Variants in TAFA1 observed in about 807,000 individuals in gnomAD.
The protein encoded by TAFA1 is TAFA chemokine like family member 1, also known as chemokine-like protein TAFA-1.
A neutral mutation model predicts 18.5 loss-of-function variants in TAFA1; 4 were observed. That is an observed-to-expected ratio of 0.22 (90% CI 0.11 to 0.49). The LOEUF is 0.49. TAFA1 is among the 20% of genes least tolerant of loss of function. The pLI is 0.98. For synonymous variants in TAFA1, 56 were observed against 55.2 expected, an observed-to-expected ratio of 1.01 and a Z score of -0.06; for missense variants, 147 against 169.0, an observed-to-expected ratio of 0.87 and a Z score of 0.72.
rs373193324 is a variant in TAFA1, at chr3:68,106,312, A to G, written c.118+99568A>G. On this transcript the variant is annotated intron_variant, in intron 2 of 4. Coordinates refer to ENST00000478136, the MANE Select transcript of TAFA1 (RefSeq NM_213609.4). ...TGCTATCCAAGTGGAATACTGAACA[A>G]TGATGGAAGTGATCAGCGGCTGTTC... is the stretch of plus-strand genomic sequence containing the variant. Among the ~76,000 whole-genome samples the G allele has an allele frequency of 7.2e-5, 11 of 152,268 alleles. No homozygotes were observed. The East Asian group carries it at 2.1e-3, about 29-fold the overall frequency.
intron 2 of TAFA1, among the ~76,000 whole-genome samples, chr3:68,076,756 C>T (rs1207092534): frequency 4.0e-3 from 597 of 151,068 alleles, no homozygotes; most frequent in African/African-American, 0.013. Flanking sequence ...TGAATAATGC[C>T]GCAATAAACA....
rs2066427652 is a variant in TAFA1 at position 68,197,665 on chromosome 3, G to A, written c.118+190921G>A. 2.0e-5 allele frequency among the ~76,000 whole-genome samples: 3 copies of A among 151,126 alleles called. No individual in the cohort carries two copies. The South Asian group carries it at 6.2e-4, about 31-fold the overall frequency. On this transcript the variant is annotated intron_variant, in intron 2 of 4. Coordinates refer to ENST00000478136, the MANE Select transcript of TAFA1 (RefSeq NM_213609.4). ...TTCTCTCCTACAGAAATGTACAATC[G>A]AGCAAAGCATGAATATATCTTTGTC...
At chr3:68,328,080 T>C (rs1467645396) in intron 2 of TAFA1, among the ~76,000 whole-genome samples, 1 of 152,202 alleles carries the variant, frequency 6.6e-6, no homozygotes, top group Non-Finnish European at 1.5e-5. Flanking sequence ...GTGAATCTGT[T>C]GGTATAAAAA....
At chr3:68,379,512 T>A (rs1459499954) in intron 2 of TAFA1, among the ~76,000 whole-genome samples, 1 of 152,198 alleles carries the variant, frequency 6.6e-6, no homozygotes, top group Non-Finnish European at 1.5e-5. Context: ...ATCTCTTTTG[T>A]CAACTTTTGC....
At chr3:68,201,546 G>A (rs1390403133) in intron 2 of TAFA1, among the ~76,000 whole-genome samples, 2 of 151,672 alleles carry the variant, frequency 1.3e-5, no homozygotes, top group African/African-American at 4.8e-5. Flanking sequence ...TTTGCTTAAT[G>A]TATTTTGATG....
At chr3:67,993,988 G>A in the TAFA1 span, among the ~76,000 whole-genome samples, 4 of 152,234 alleles carry the variant, frequency 2.6e-5, no homozygotes, top group East Asian at 1.9e-4. Context: ...GCCTAGCCGG[G>A]TAGAATTTTT....
chr3:68,218,345 T>C (rs1323050091), intron 2 of TAFA1, among the ~76,000 whole-genome samples: 2 of 152,158 alleles, frequency 1.3e-5, no homozygotes, highest in African/African-American at 2.4e-5. Flanking sequence ...AAGGATCAAA[T>C]GTAATTTCTT....
At chr3:68,046,075 C>A (rs143327510) in intron 2 of TAFA1, among the ~76,000 whole-genome samples, 208 of 152,212 alleles carry the variant, frequency 1.4e-3, no homozygotes, top group Middle Eastern at 0.014. Context: ...CTTCATTTTT[C>A]TCTTATCTCC....
At chr3:68,378,670 C>T (rs902120823) in intron 2 of TAFA1, among the ~76,000 whole-genome samples, 2 of 152,122 alleles carry the variant, frequency 1.3e-5, no homozygotes, top group Non-Finnish European at 2.9e-5. Context: ...TGGTTTGGCT[C>T]TGTGTCCCCA....
intron 3 of TAFA1, among the ~76,000 whole-genome samples, chr3:68,431,109 A>C (rs771584050): frequency 3.3e-5 from 5 of 151,944 alleles, no homozygotes; most frequent in African/African-American, 4.8e-5. Context: ...AAAAGCCTCT[A>C]TAACACCTAT....
At chr3:68,161,692 T>C (rs955608396) in intron 2 of TAFA1, among the ~76,000 whole-genome samples, 3 of 152,250 alleles carry the variant, frequency 2.0e-5, no homozygotes, top group Admixed American at 6.5e-5. Flanking sequence ...TAGATCTTGA[T>C]AGCAAAGCTA....
intron 2 of TAFA1, among the ~76,000 whole-genome samples, chr3:68,245,315 CTG>C (rs1381004104): frequency 6.6e-6 from 1 of 152,180 alleles, no homozygotes; most frequent in African/African-American, 2.4e-5. Flanking sequence ...TCTTCCAAAG[CTG>C]TGTTGATTTT....
intron 2 of TAFA1, among the ~76,000 whole-genome samples, chr3:68,254,754 A>G (rs762121847): frequency 6.6e-6 from 1 of 152,086 alleles, no homozygotes; most frequent in Non-Finnish European, 1.5e-5. Context: ...GTGACCTTCT[A>G]GGATGTTCAT....
chr3:68,272,330 C>A (rs1270891402), intron 2 of TAFA1, among the ~76,000 whole-genome samples: 1 of 152,148 alleles, frequency 6.6e-6, no homozygotes, highest in Non-Finnish European at 1.5e-5. Flanking sequence ...GGTGACATTA[C>A]CTGCTTAGCT....
In TAFA1 at chr3:68,417,343, G is replaced by A. The variant is rs769572574; in HGVS notation, c.182G>A (p.Arg61Gln). The change falls in exon 3 of 5, where the codon CGG (arginine) becomes CAG (glutamine). Residue 61 changes from arginine to glutamine, a missense_variant. Transcript: ENST00000478136. The part of the protein sequence containing the change: ...RCCNKNRIEE[R>Q]SQTVKCSCLP... ...TGTAACAAGAATCGCATTGAGGAGCGGTCACAAACAGTAAAGTGTTCCTGT... is the reference window on the plus strand; with the variant it reads ...TGTAACAAGAATCGCATTGAGGAGCAGTCACAAACAGTAAAGTGTTCCTGT... 7.5e-5 allele frequency: 121 copies of A among 1,613,146 alleles called. No individual in the cohort carries two copies. Among genetic ancestry groups the A allele is most frequent in the Non-Finnish European group, 9.7e-5 (114 of 1,179,576 alleles).
intron 2 of TAFA1, among the ~76,000 whole-genome samples, chr3:68,372,694 G>A (rs1415567644): frequency 6.6e-6 from 1 of 151,920 alleles, no homozygotes; most frequent in African/African-American, 2.4e-5. Flanking sequence ...CACAATTTGG[G>A]AAATAAACTG....
In TAFA1 at chr3:68,477,351, G is replaced by A. The variant is rs887113485; in HGVS notation, c.259+59931G>A. On this transcript the variant is annotated intron_variant, in intron 3 of 4. Transcript: ENST00000478136. ...GGGCATTCAAGTAGATTCCAGCTTG[G>A]GACTATTATAAATAGTGCTTTTAAA... is the stretch of plus-strand genomic sequence containing the variant. Among the ~76,000 whole-genome samples, 4 of 151,738 alleles carry A rather than the reference G, an allele frequency of 2.6e-5. No homozygotes were observed. In the East Asian group the frequency reaches 7.7e-4, roughly 29 times the overall value.
intron 2 of TAFA1, among the ~76,000 whole-genome samples, chr3:68,049,232 G>A (rs1447852305): frequency 6.6e-6 from 1 of 152,084 alleles, no homozygotes; most frequent in Non-Finnish European, 1.5e-5. Context: ...CTATTAAAAG[G>A]AAATAAACTC....
chr3:68,489,109 A>G (rs1374706762), intron 3 of TAFA1, among the ~76,000 whole-genome samples: 2 of 152,232 alleles, frequency 1.3e-5, no homozygotes, highest in East Asian at 1.9e-4. Context: ...CTAGTAAGGC[A>G]GAAGAGTTGC....
Sources: allele counts gnomAD v4.1 joint callset (sites outside exome capture counted in the v4.1 genomes callset), GRCh38; gene constraint gnomAD v4.1.1; transcripts MANE v1.5; gene names NCBI Gene and HGNC (gene_info 2026-07-23, HGNC 2026-07-21).